DPP6: variants seen among roughly 807,000 people sequenced by gnomAD.
DPP6 encodes dipeptidyl peptidase like 6.
A neutral mutation model predicts 122.6 loss-of-function variants in DPP6; 69 were observed. The ratio of observed to expected loss-of-function variants is 0.56; its 90% CI spans 0.46 to 0.69. The LOEUF is 0.69. Among genes scored for constraint, DPP6 ranks in the 30% least tolerant of loss-of-function variants. The pLI is 0.00. For synonymous variants in DPP6, 418 were observed against 433.1 expected, an observed-to-expected ratio of 0.97 and a Z score of 0.43; for missense variants, 928 against 1,116.9, an observed-to-expected ratio of 0.83 and a Z score of 2.41.
At chr7:154,613,657 GA>G (rs1272919528) in intron 5 of DPP6, among the ~76,000 whole-genome samples, 1 of 127,126 alleles carries the variant, frequency 7.9e-6, no homozygotes, top group East Asian at 2.1e-4. Context: ...AAAAAAAGTA[GA>G]TGAAGCAAGT....
chr7:153,871,643 C>T, the DPP6 span, among the ~76,000 whole-genome samples: 201 of 152,280 alleles, frequency 1.3e-3, 3 homozygotes, highest in African/African-American at 4.2e-3. Context: ...ACGCACAGTG[C>T]GCTGCACCCA....
chr7:154,405,012 G>A (rs286835), intron 1 of DPP6, among the ~76,000 whole-genome samples: 139,335 of 152,288 alleles, frequency 0.91, 64,050 homozygotes, highest in East Asian at 1. Flanking sequence ...TGTGCCAAGC[G>A]TCATACCTAC....
In DPP6 at chr7:154,743,147, C is replaced by G. The variant is rs552007720; in HGVS notation, c.883+15260C>G. On this transcript the variant is annotated intron_variant, in intron 8 of 25. Coordinates refer to ENST00000377770, the MANE Select transcript of DPP6 (RefSeq NM_130797.4). ...GAGGTTTTTTCCATTGATCTCATCT[C>G]TCGGGCTCAGCTCTTTTATCTCCAG... 2.0e-5 allele frequency among the ~76,000 whole-genome samples: 3 copies of G among 152,220 alleles called. No individual in the cohort carries two copies. The South Asian group carries it at 6.2e-4, about 32-fold the overall frequency.
At chr7:154,459,339 C>T (rs1239394550) in intron 2 of DPP6, among the ~76,000 whole-genome samples, 3 of 152,108 alleles carry the variant, frequency 2.0e-5, no homozygotes, top group Non-Finnish European at 2.9e-5. Context: ...ATTGGGAGCA[C>T]ACTACACCTG....
At chr7:154,072,931 G>A (rs1463897469) in intron 1 of DPP6, among the ~76,000 whole-genome samples, 1 of 152,214 alleles carries the variant, frequency 6.6e-6, no homozygotes, top group Non-Finnish European at 1.5e-5. Flanking sequence ...GAGAGCCGGG[G>A]GACCCACACG....
intron 7 of DPP6, among the ~76,000 whole-genome samples, chr7:154,726,502 G>A (rs1029909889): frequency 4.6e-5 from 7 of 152,236 alleles, no homozygotes; most frequent in Non-Finnish European, 8.8e-5. Context: ...CATGGCTGGA[G>A]CTGGTGTGGG....
At chr7:154,573,114 GT>G (rs1831234739) in intron 5 of DPP6, among the ~76,000 whole-genome samples, 1 of 152,152 alleles carries the variant, frequency 6.6e-6, no homozygotes, top group South Asian at 2.1e-4. Flanking sequence ...AGGGAATTGT[GT>G]TTCTTGATTC....
rs116473192 is a variant in DPP6, at chr7:154,229,285, T to A, written c.243+176222T>A. 4.1e-3 allele frequency among the ~76,000 whole-genome samples: 622 copies of A among 152,310 alleles called. 8 individuals carry two copies. Among genetic ancestry groups the A allele is most frequent in the African/African-American group, 0.014 (583 of 41,568 alleles). On this transcript the variant is annotated intron_variant, in intron 1 of 25. Transcript: ENST00000377770. ...TCAGGATGGTACTGGTAAAGACATA[T>A]TTCCTCTCCTATTGCAATTCTTTGA...
chr7:154,747,654 G>GA lies in DPP6; in HGVS notation c.883+19777dup, dbSNP rs553954242. ...GCTCTTAGAAAACACCCATATGTTA[G>GA]AAAAAAAAAATAGAACACTTTTTCT... On this transcript the variant is annotated intron_variant, in intron 8 of 25. Coordinates refer to ENST00000377770, the MANE Select transcript of DPP6 (RefSeq NM_130797.4). Among the ~76,000 whole-genome samples the GA allele has an allele frequency of 6.5e-4, 97 of 148,976 alleles. 2 individuals carry two copies. Among genetic ancestry groups the GA allele is most frequent in the South Asian group, 1.5e-3 (7 of 4,698 alleles).
At chr7:154,880,981 C>T (rs759159467) in intron 21 of DPP6, 39 bp downstream of exon 21, 2 of 1,611,288 alleles carry the variant, frequency 1.2e-6, no homozygotes, top group Non-Finnish European at 1.7e-6. Context: ...CCCCTCAGTT[C>T]CAGTGTGGCC....
intron 3 of DPP6, among the ~76,000 whole-genome samples, chr7:154,513,768 C>T (rs1296266889): frequency 6.6e-6 from 1 of 152,142 alleles, no homozygotes; most frequent in Non-Finnish European, 1.5e-5. Flanking sequence ...TCCCACCAGA[C>T]GTTAGAGTCA....
the DPP6 span, among the ~76,000 whole-genome samples, chr7:153,787,102 C>T: frequency 1.0e-3 from 143 of 142,806 alleles, 8 homozygotes; most frequent in African/African-American, 3.6e-3. Flanking sequence ...CAGGTGCCCA[C>T]GACCACGCCC....
intron 5 of DPP6, among the ~76,000 whole-genome samples, chr7:154,626,076 T>C (rs1835050737): frequency 2.6e-5 from 4 of 152,084 alleles, no homozygotes; most frequent in Admixed American, 2.0e-4. Context: ...TATGACAAGC[T>C]TGGGAAGAAA....
At chr7:153,847,248 C>G in the DPP6 span, among the ~76,000 whole-genome samples, 1 of 152,064 alleles carries the variant, frequency 6.6e-6, no homozygotes, top group Admixed American at 6.5e-5. Flanking sequence ...GCAGAGCAGC[C>G]TAGTTTATTT....
At chr7:153,852,500 AG>A in the DPP6 span, among the ~76,000 whole-genome samples, 2 of 152,098 alleles carry the variant, frequency 1.3e-5, no homozygotes, top group Non-Finnish European at 2.9e-5. Flanking sequence ...GACAGTACCA[AG>A]GGGGAATGGT....
At chr7:154,053,336 C>T (rs1429528076) in intron 1 of DPP6, among the ~76,000 whole-genome samples, 2 of 152,090 alleles carry the variant, frequency 1.3e-5, no homozygotes, top group Admixed American at 1.3e-4. Flanking sequence ...ATCTGGAATT[C>T]GCCTTACGTT....
At chr7:154,497,938 A>T (rs1824895249) in intron 3 of DPP6, among the ~76,000 whole-genome samples, 1 of 152,114 alleles carries the variant, frequency 6.6e-6, no homozygotes, top group Non-Finnish European at 1.5e-5. Context: ...AGGCCATGCA[A>T]GGTCTTTCCT....
At chr7:154,532,860 A>T (rs1827953719) in intron 3 of DPP6, among the ~76,000 whole-genome samples, 1 of 152,166 alleles carries the variant, frequency 6.6e-6, no homozygotes, top group African/African-American at 2.4e-5. Flanking sequence ...GCAGAAACAA[A>T]GGTCTCTCTG....
chr7:154,056,893 A>G (rs886339463), intron 1 of DPP6, among the ~76,000 whole-genome samples: 2 of 152,188 alleles, frequency 1.3e-5, no homozygotes, highest in African/African-American at 4.8e-5. Flanking sequence ...TGTAATTTAA[A>G]ATTTTTTAAG....
Sources: gnomAD v4.1 joint callset for allele counts (sites outside exome capture counted in the v4.1 genomes callset) on GRCh38, gnomAD v4.1.1 for gene constraint, MANE v1.5 for transcripts, NCBI Gene and HGNC (gene_info 2026-07-23, HGNC 2026-07-21) for gene names.